The following PRSS36 variants were observed in gnomAD, a reference collection of about 807,000 sequenced individuals.
PRSS36 encodes serine protease 36, also known as polyserase-2.
In PRSS36, 90 loss-of-function variants were observed where a neutral mutation model predicts 94.3. That is an observed-to-expected ratio of 0.95 (90% CI 0.80 to 1.14). The LOEUF (loss-of-function observed/expected upper bound fraction) is 1.14, where lower values mean the gene tolerates loss of function less well. Among genes scored for constraint, PRSS36 ranks in the 50% most tolerant of loss-of-function variants. PRSS36 has a pLI of 0.00. For missense variants in PRSS36, 1,158 were observed against 1,135.0 expected (o/e 1.02, Z -0.29); for synonymous variants, 500 against 489.6 (o/e 1.02, Z -0.28).
chr16:31,144,005 T>G (rs760415993), intron 6 of PRSS36, among the ~76,000 whole-genome samples, 168 bp from the exon 7 acceptor site: 19 of 152,174 alleles, frequency 1.2e-4, no homozygotes, highest in Non-Finnish European at 2.6e-4. Context: ...AAGAAATCCC[T>G]GTAAGCAGAA....
In PRSS36 at chr16:31,140,670, G is replaced by T. The variant is rs2144020653; in HGVS notation, c.1989C>A (p.Arg663=). 1 of 1,614,050 alleles carries T rather than the reference G, an allele frequency of 6.2e-7. No individual in the cohort carries two copies. The change falls in exon 13 of 15, where the codon CGC becomes CGA. Residue 663 remains arginine (R), a synonymous_variant. Transcript: ENST00000268281. The stretch of plus-strand genomic sequence containing the variant: ...GGGGCAGCCGGATGCTGATGACCAA[G>T]CGGGATACCTGGTGGCCCTGTGGGA... The part of the protein sequence containing the change: ...SSLPQGHQVS[R]LVISIRLPQH...
rs2057729613 is a variant in PRSS36 at position 31,142,796 on chromosome 16, TG to T, written c.1297del (p.His433ThrfsTer35). On this transcript the variant is annotated frameshift_variant, in exon 9 of 15. Coordinates refer to ENST00000268281, the MANE Select transcript of PRSS36 (RefSeq NM_173502.5). LOFTEE classifies it high-confidence loss of function. ...SAASRPVCLP[H>X]PEHYFLPGSR... ...CCCGGGCAGGAAGTAGTGTTCCGGG[TG>T]GGGTAGGCACACGGGCCGCGAAGCC... 3 of 1,493,998 alleles carry T rather than the reference TG, an allele frequency of 2.0e-6. No homozygotes were observed. Among genetic ancestry groups the T allele is most frequent in the South Asian group, 2.6e-5 (2 of 77,530 alleles). 92.5% of individuals were successfully genotyped at this position (1,493,998 alleles called of 1,614,324 possible).
rs1476689306 is a variant in PRSS36, at chr16:31,139,346, T to C, written c.2360A>G (p.Gln787Arg). 1 of 1,614,086 alleles carries C rather than the reference T, an allele frequency of 6.2e-7. No individual in the cohort carries two copies. Among genetic ancestry groups the C allele is most frequent in the Admixed American group, 1.7e-5 (1 of 60,020 alleles). Residue 787 changes from glutamine (Q) to arginine (R), a missense_variant, in exon 15 of 15, where the codon CAA becomes CGA. Coordinates refer to ENST00000268281, the MANE Select transcript of PRSS36 (RefSeq NM_173502.5). Reference sequence around the variant, plus strand: ...GGCAGCAAACAGCTCCCGGCTCCCTTGAACAGCCATGCCCACGAGGATCCA... The same window carrying C: ...GGCAGCAAACAGCTCCCGGCTCCCTCGAACAGCCATGCCCACGAGGATCCA... ...GSWILVGMAVQGSRELFAAIG... is the reference protein window; with the variant it reads ...GSWILVGMAVRGSRELFAAIG...
rs772175332 is a variant in PRSS36, at chr16:31,148,721, G to A, written c.273-46C>T. The A allele has an allele frequency of 6.3e-5, 101 of 1,603,642 alleles. No homozygotes were observed. In the Middle Eastern group the frequency reaches 6.6e-4, roughly 11 times the overall value. On this transcript the variant is annotated intron_variant, in intron 4 of 14. Coordinates refer to ENST00000268281, the MANE Select transcript of PRSS36 (RefSeq NM_173502.5). ...AGGAGGTTAGGTTGACCCTATGGAG[G>A]GGGCAGACCCTCGTTGGGGGCAGGG...
At chr16:31,140,836 C>T in intron 12 of PRSS36, 79 bp from the exon 13 acceptor site, 1 of 1,503,556 alleles carries the variant, frequency 6.7e-7, no homozygotes, top group South Asian at 1.2e-5. Context: ...GGAAGGATGA[C>T]TCTCTGGGGT....
chr16:31,139,258 A>C lies in PRSS36; in HGVS notation c.2448T>G (p.Ser816Arg). ...CTCCAGTGGGCCAGTGTGGGGAGCCACTGGGGGGCAGGAAGTTGGCCTCTC... is the reference window on the plus strand; with the variant it reads ...CTCCAGTGGGCCAGTGTGGGGAGCCCCTGGGGGGCAGGAAGTTGGCCTCTC... ...TVGEANFLPP[S>R]GSPHWPTGGS... Residue 816 changes from serine to arginine, a missense_variant, in exon 15 of 15, where the codon AGT (serine) becomes AGG (arginine). Transcript: ENST00000268281. 6.2e-7 allele frequency: 1 copy of C among 1,614,092 alleles called. No individual in the cohort carries two copies. The highest frequency in any genetic ancestry group is 8.5e-7 in the Non-Finnish European group (1 of 1,179,982).
chr16:31,149,072 C>A lies in PRSS36; in HGVS notation c.272+1G>T. ...GGGCCAGGACCAGGGCGAATACTCA[C>A]GTCATGAAACAGTGAGCAGCGGAGA... On this transcript the variant is annotated splice_donor_variant, in intron 4 of 14. Coordinates refer to ENST00000268281, the MANE Select transcript of PRSS36 (RefSeq NM_173502.5). LOFTEE classifies it high-confidence loss of function. 1.3e-6 allele frequency: 2 copies of A among 1,591,260 alleles called. No homozygotes were observed. Among genetic ancestry groups the A allele is most frequent in the Non-Finnish European group, 1.7e-6 (2 of 1,170,920 alleles).
At chr16:31,149,938 T>C in intron 1 of PRSS36, 61 bp downstream of exon 1, 4 of 1,595,072 alleles carry the variant, frequency 2.5e-6, no homozygotes, top group Non-Finnish European at 3.4e-6. Context: ...AATCCTGCTC[T>C]CCAGCCCCCC....
intron 5 of PRSS36, among the ~76,000 whole-genome samples, chr16:31,147,468 G>A (rs540217823): frequency 1.3e-5 from 2 of 152,170 alleles, no homozygotes; most frequent in Non-Finnish European, 2.9e-5. Flanking sequence ...AAGCCCCGAG[G>A]ATGGGCACAG....
At chr16:31,148,707 T>G in intron 4 of PRSS36, 32 bp from the exon 5 acceptor site, 1 of 1,609,562 alleles carries the variant, frequency 6.2e-7, no homozygotes, top group Non-Finnish European at 8.5e-7. Flanking sequence ...GGAGGTTAGG[T>G]TGACCCTATG....
Position 31,148,838 on chromosome 16 carries a change from T to G in PRSS36, c.273-163A>C, listed in dbSNP as rs2057845300. The stretch of plus-strand genomic sequence containing the variant: ...AGCAAATCCGATTTGGAGCTGGTGG[T>G]GGGGGGGTCATTGGAAAGATGGGAT... On this transcript the variant is annotated intron_variant, in intron 4 of 14. Coordinates refer to ENST00000268281, the MANE Select transcript of PRSS36 (RefSeq NM_173502.5). 8 of 1,016,220 alleles carry G rather than the reference T, an allele frequency of 7.9e-6. No homozygotes were observed. The Admixed American group carries it at 1.4e-4, about 17-fold the overall frequency. 63.0% of individuals were successfully genotyped at this position (1,016,220 alleles called of 1,614,324 possible). A position where few individuals can be genotyped will look rare whatever the true frequency, so the allele number is the denominator to read the frequency against.
At chr16:31,141,149 C>T (rs1226533886) in intron 12 of PRSS36, among the ~76,000 whole-genome samples, 1 of 152,108 alleles carries the variant, frequency 6.6e-6, no homozygotes, top group African/African-American at 2.4e-5. Context: ...GTCTTGAACT[C>T]CTGACCTCAT....
Position 31,142,537 on chromosome 16 carries a change from G to C in PRSS36, c.1465C>G (p.Pro489Ala). The C allele has an allele frequency of 6.6e-7, 1 of 1,516,452 alleles. No homozygotes were observed. Among genetic ancestry groups the C allele is most frequent in the Non-Finnish European group, 8.8e-7 (1 of 1,135,208 alleles). The allele number at this position is 1,516,452 out of a possible 1,614,324, so 93.9% of individuals were successfully genotyped here. A position where few individuals can be genotyped will look rare whatever the true frequency, so the allele number is the denominator to read the frequency against. The change falls in exon 10 of 15, where the codon CCG becomes GCG. Residue 489 changes from proline to alanine, a missense_variant. Transcript: ENST00000268281. ...TAGGCAGGGCAGAGCGCGTGCGGCGGGTCTCCGGGCAGCGGTACTGCCGCC... is the reference window on the plus strand; with the variant it reads ...TAGGCAGGGCAGAGCGCGTGCGGCGCGTCTCCGGGCAGCGGTACTGCCGCC... The part of the protein sequence containing the change: ...QGAAVPLPGD[P>A]PHALCPAYQE...
chr16:31,148,165 G>A (rs1215667829), intron 5 of PRSS36, among the ~76,000 whole-genome samples: 1 of 152,172 alleles, frequency 6.6e-6, no homozygotes, highest in Non-Finnish European at 1.5e-5. Context: ...GGTAAGGAGG[G>A]AATGGGGTGC....
chr16:31,139,550 T>A (rs943177206), intron 14 of PRSS36, 134 bp from the exon 15 acceptor site: 9 of 1,064,076 alleles, frequency 8.5e-6, no homozygotes, highest in African/African-American at 1.6e-5. Flanking sequence ...CTCTCCCGGG[T>A]CCAGCTAGGG....
At chr16:31,146,043 C>T (rs2057795882) in intron 5 of PRSS36, 88 bp from the exon 6 acceptor site, 3 of 1,317,072 alleles carry the variant, frequency 2.3e-6, no homozygotes, top group Admixed American at 2.5e-5. Context: ...GCGGCTGCTT[C>T]TTGGACATCA....
At position 31,139,393 on chromosome 16, in the gene PRSS36, C is replaced by T; in HGVS notation, c.2313G>A (p.Leu771=). The T allele has an allele frequency of 6.2e-7, 1 of 1,614,038 alleles. No individual in the cohort carries two copies. Among genetic ancestry groups the T allele is most frequent in the East Asian group, 2.2e-5 (1 of 44,878 alleles). ...TCCAGGACCCTTCCGTCATCTGGCA[C>T]AGGAGGGGCGGTGCTGAGGTCATCT... ...RCEMTSAPPL[L]CQMTEGSWIL... Residue 771 remains leucine, a synonymous_variant, in exon 15 of 15, where the codon CTG becomes CTA. Coordinates refer to ENST00000268281, the MANE Select transcript of PRSS36 (RefSeq NM_173502.5).
chr16:31,139,710 T>A (rs1475328458), intron 14 of PRSS36, among the ~76,000 whole-genome samples: 2 of 151,180 alleles, frequency 1.3e-5, no homozygotes, highest in Admixed American at 6.6e-5. Context: ...TGAAACCCTG[T>A]CTCTACTAAA....
At chr16:31,139,475 C>T (rs959579279) in intron 14 of PRSS36, 59 bp from the exon 15 acceptor site, 2 of 1,568,386 alleles carry the variant, frequency 1.3e-6, no homozygotes, top group African/African-American at 1.3e-5. Flanking sequence ...TCCCCTCCCC[C>T]TTTCCCCAGG....
Sources: gnomAD v4.1 joint callset for allele counts (sites outside exome capture counted in the v4.1 genomes callset) on GRCh38, gnomAD v4.1.1 for gene constraint, MANE v1.5 for transcripts, NCBI Gene and HGNC (gene_info 2026-07-23, HGNC 2026-07-21) for gene names.